The following PIK3C2B variants were observed in gnomAD, a reference collection of about 807,000 sequenced individuals.
PIK3C2B encodes the protein phosphatidylinositol 4-phosphate 3-kinase C2 domain-containing subunit beta.
A neutral mutation model predicts 184.3 loss-of-function variants in PIK3C2B; 83 were observed. That is an observed-to-expected ratio of 0.45 (90% CI 0.38 to 0.54). The LOEUF (loss-of-function observed/expected upper bound fraction) is 0.54, where lower values mean the gene tolerates loss of function less well. Ranked by LOEUF, PIK3C2B falls within the 20% of genes least tolerant of loss-of-function variation. The probability of loss-of-function intolerance (pLI) is 0.00; values close to 1 mark genes in which losing one functional copy is unlikely to be tolerated. For missense variants in PIK3C2B, 1,736 were observed against 2,113.5 expected (o/e 0.82, Z 3.50); for synonymous variants, 779 against 837.6 (o/e 0.93, Z 1.21).
chr1:204,460,695 C>A, intron 5 of PIK3C2B, 34 bp from the exon 6 acceptor site: 1 of 1,364,774 alleles, frequency 7.3e-7, no homozygotes, highest in Non-Finnish European at 1.0e-6. Flanking sequence ...CATTAGCATC[C>A]TGGGGACTCA....
At chr1:204,444,276 C>G (rs1653655381) in intron 17 of PIK3C2B, 55 bp downstream of exon 17, 5 of 1,507,874 alleles carry the variant, frequency 3.3e-6, no homozygotes, top group South Asian at 2.2e-5. Context: ...TGCAGACTCA[C>G]TTGGGATACT....
chr1:204,432,159 C>A, intron 27 of PIK3C2B, 41 bp downstream of exon 27: 1 of 1,567,346 alleles, frequency 6.4e-7, no homozygotes, highest in Non-Finnish European at 8.8e-7. Flanking sequence ...CCAGGGTCAG[C>A]AGAGAGCAGG....
chr1:204,434,028 T>TTCCCTCA lies in PIK3C2B; in HGVS notation c.3687-86_3687-80dup, dbSNP rs1675212932. On this transcript the variant is annotated intron_variant, in intron 24 of 32. Transcript: ENST00000684373. The stretch of plus-strand genomic sequence containing the variant: ...CATATGGGCTGCATCAGGGGTCAGT[T>TTCCCTCA]TCCCTCATCCCTCATCACGTGGACA... 5 of 1,173,292 alleles carry TTCCCTCA rather than the reference T, an allele frequency of 4.3e-6. No homozygotes were observed. In the African/African-American group the frequency reaches 7.6e-5, roughly 18 times the overall value. The allele number at this position is 1,173,292 out of a possible 1,614,324, so 72.7% of individuals were successfully genotyped here.
rs777973578 is a variant in PIK3C2B at position 204,455,946 on chromosome 1, T to C, written c.1853A>G (p.His618Arg). 5.0e-6 allele frequency: 8 copies of C among 1,614,094 alleles called. No homozygotes were observed. The highest frequency in any genetic ancestry group is 6.8e-6 in the Non-Finnish European group (8 of 1,180,028). Residue 618 changes from histidine (H) to arginine (R), a missense_variant, in exon 11 of 33, where the codon CAT (histidine) becomes CGT (arginine). This residue lies in a region of PIK3C2B where 609 missense variants were observed against 699.2 expected (regional missense o/e 0.87). Coordinates refer to ENST00000684373, the MANE Select transcript of PIK3C2B (RefSeq NM_001377334.1). ...ATGGCAGGCCTCCTGGACCAGGTCA[T>C]GCTTGCGGCTCCCGGGCACTGCCGT... ...FQTAVPGSRKHDLVQEACHFA... is the reference protein window; with the variant it reads ...FQTAVPGSRKRDLVQEACHFA...
At chr1:204,470,565 T>C (rs1417283706) in intron 1 of PIK3C2B, among the ~76,000 whole-genome samples, 1 of 152,254 alleles carries the variant, frequency 6.6e-6, no homozygotes, top group Non-Finnish European at 1.5e-5. Flanking sequence ...GTGGGGAATG[T>C]AAAATGGTAC....
At position 204,434,440 on chromosome 1, in the gene PIK3C2B, G is replaced by A. The variant is rs759444274; in HGVS notation, c.3685C>T (p.Arg1229Trp). The A allele has an allele frequency of 5.0e-6, 8 of 1,613,710 alleles. No individual in the cohort carries two copies. The highest frequency in any genetic ancestry group is 5.9e-6 in the Non-Finnish European group (7 of 1,179,768). The change falls in exon 24 of 33, where the codon CGG becomes TGG. Residue 1229 changes from arginine to tryptophan, a missense_variant and splice_region_variant. Arg to Trp is a moderately radical substitution (Grantham distance 101). Around this residue, in one of 8 missense-constraint regions of PIK3C2B, gnomAD observed 119 missense variants for 179.3 expected, o/e 0.66. Transcript: ENST00000684373. ...GHAQMFGNIKRDRAPFVFTSD... is the reference protein window; with the variant it reads ...GHAQMFGNIKWDRAPFVFTSD... Reference sequence around the variant, plus strand: ...ATCTGGCTTCAGGAGATCACTTACCGCTTGATGTTGCCAAACATCTGGGCA... The same window carrying A: ...ATCTGGCTTCAGGAGATCACTTACCACTTGATGTTGCCAAACATCTGGGCA...
intron 27 of PIK3C2B, 135 bp from the exon 28 acceptor site, chr1:204,431,928 C>CAA: frequency 1.0e-6 from 1 of 963,708 alleles, no homozygotes; most frequent in East Asian, 2.4e-5. Context: ...AGAGTGGAGA[C>CAA]AGATGATAGC....
At chr1:204,458,760 C>T (rs1655079397) in intron 8 of PIK3C2B, among the ~76,000 whole-genome samples, 1 of 152,076 alleles carries the variant, frequency 6.6e-6, no homozygotes, top group Non-Finnish European at 1.5e-5. Context: ...TCCCAAAGTG[C>T]TGGGATTACA....
intron 16 of PIK3C2B, among the ~76,000 whole-genome samples, chr1:204,444,714 C>T (rs1653702432): frequency 6.6e-6 from 1 of 152,182 alleles, no homozygotes. Context: ...CAACCTTACT[C>T]CAGAGATTTC....
chr1:204,444,171 G>A lies in PIK3C2B; in HGVS notation c.2773-9C>T, dbSNP rs2292460. ...CATTCATACTTCAGGGCCTGTTTCG[G>A]AGAAAGGGAGAAAGAGAATATGAAG... On this transcript the variant is annotated splice_polypyrimidine_tract_variant and intron_variant, in intron 17 of 32. Coordinates refer to ENST00000684373, the MANE Select transcript of PIK3C2B (RefSeq NM_001377334.1). 0.77 allele frequency: 1,223,913 copies of A among 1,599,224 alleles called. 478,502 individuals carry two copies. Among genetic ancestry groups the A allele is most frequent in the Non-Finnish European group, 0.81 (948,158 of 1,167,006 alleles).
Position 204,444,641 on chromosome 1 carries a change from G to A in PIK3C2B, c.2679-217C>T, listed in dbSNP as rs1280729242. ...CGGTCAGAGTCTGCCTTGAGCCATG[G>A]GGGAACAACTAGGTAGCCACTCTCA... On this transcript the variant is annotated intron_variant, in intron 16 of 32. Coordinates refer to ENST00000684373, the MANE Select transcript of PIK3C2B (RefSeq NM_001377334.1). Among the ~76,000 whole-genome samples, 6 of 152,260 alleles carry A rather than the reference G, an allele frequency of 3.9e-5. No individual in the cohort carries two copies. In the East Asian group the frequency reaches 1.2e-3, roughly 29 times the overall value.
At chr1:204,470,170 T>C (rs1032725391) in intron 1 of PIK3C2B, among the ~76,000 whole-genome samples, 2 of 137,138 alleles carry the variant, frequency 1.5e-5, no homozygotes, top group East Asian at 3.9e-4. Context: ...AGAGGCACCT[T>C]TTTTTTTTTT....
At chr1:204,452,287 C>CGTTTTTTT (rs1558252010) in intron 12 of PIK3C2B, among the ~76,000 whole-genome samples, 1 of 44,388 alleles carries the variant, frequency 2.3e-5, no homozygotes, top group African/African-American at 4.9e-5. Context: ...TGTGCAGCAC[C>CGTTTTTTT]CTTTTTTTTT....
At chr1:204,472,490 G>A (rs953070664) in intron 1 of PIK3C2B, among the ~76,000 whole-genome samples, 8 of 148,798 alleles carry the variant, frequency 5.4e-5, no homozygotes, top group African/African-American at 9.8e-5. Context: ...AAAAAGTACC[G>A]AAGCCCGGCC....
At chr1:204,475,873 C>T (rs1273249365) in intron 1 of PIK3C2B, among the ~76,000 whole-genome samples, 1 of 152,172 alleles carries the variant, frequency 6.6e-6, no homozygotes, top group Non-Finnish European at 1.5e-5. Flanking sequence ...CTCAGCCACA[C>T]AGGGAAGGAA....
chr1:204,476,675 T>C (rs1656738621), intron 1 of PIK3C2B, among the ~76,000 whole-genome samples: 1 of 152,228 alleles, frequency 6.6e-6, no homozygotes, highest in African/African-American at 2.4e-5. Flanking sequence ...GATCAGGGCC[T>C]GCGTCTCTGC....
At position 204,457,842 on chromosome 1, in the gene PIK3C2B, G is replaced by A. The variant is rs1655000394; in HGVS notation, c.1599C>T (p.Val533=). The change falls in exon 9 of 33, where the codon GTC becomes GTT. Residue 533 remains valine (V), a synonymous_variant. Coordinates refer to ENST00000684373, the MANE Select transcript of PIK3C2B (RefSeq NM_001377334.1). ...GDFPLKADRV[V]QSVKAICNAL... ...CGTTGCAGATGGCCTTGACGGACTG[G>A]ACCACCCTGTCAGCCTTCAGTGGGA... 6.2e-7 allele frequency: 1 copy of A among 1,613,306 alleles called. No individual in the cohort carries two copies.
rs934189703 is a variant in PIK3C2B, at chr1:204,433,593, G to A, written c.3844-168C>T. On this transcript the variant is annotated intron_variant, in intron 25 of 32. Coordinates refer to ENST00000684373, the MANE Select transcript of PIK3C2B (RefSeq NM_001377334.1). This position sits in a 1 kb window ranked among gnomAD's most constrained non-coding sequence, Gnocchi z 5.0. Reference sequence around the variant, plus strand: ...GGAGGGCCACAGGAACTGAAGGGCTGGAGCAGGGAGTCAGGCACCTACACA... The same window carrying A: ...GGAGGGCCACAGGAACTGAAGGGCTAGAGCAGGGAGTCAGGCACCTACACA... Among the ~76,000 whole-genome samples, 2 of 152,194 alleles carry A rather than the reference G, an allele frequency of 1.3e-5. No homozygotes were observed. Among genetic ancestry groups the A allele is most frequent in the African/African-American group, 2.4e-5 (1 of 41,442 alleles).
At chr1:204,470,436 G>C (rs1558274055) in intron 1 of PIK3C2B, among the ~76,000 whole-genome samples, 1 of 152,140 alleles carries the variant, frequency 6.6e-6, no homozygotes, top group Admixed American at 6.5e-5. Context: ...CCAAAGTGTT[G>C]GGATTACAGG....
Sources: gnomAD v4.1 joint callset for allele counts (sites outside exome capture counted in the v4.1 genomes callset) on GRCh38, gnomAD v4.1.1 for gene constraint, gnomAD v4.1.1 regional missense constraint, Gnocchi (gnomAD v3.1) non-coding constraint, MANE v1.5 for transcripts, NCBI Gene and HGNC (gene_info 2026-07-23, HGNC 2026-07-21) for gene names.